LPGAT1: variants seen among roughly 807,000 people sequenced by gnomAD.
The protein encoded by LPGAT1 is acyl-CoA:lysophosphatidylglycerol acyltransferase 1.
A neutral mutation model predicts 47.5 loss-of-function variants in LPGAT1; 11 were observed. The ratio of observed to expected loss-of-function variants is 0.23; its 90% CI spans 0.15 to 0.38. LPGAT1 has a LOEUF of 0.38. LPGAT1 is among the 10% of genes least tolerant of loss of function. The pLI, the probability that LPGAT1 is intolerant of heterozygous loss-of-function variation, is 1.00. For synonymous variants in LPGAT1, 138 were observed against 144.2 expected (o/e 0.96, Z 0.31); for missense variants, 293 against 439.0 (o/e 0.67, Z 2.97).
intron 6 of LPGAT1, among the ~76,000 whole-genome samples, chr1:211,762,326 C>T (rs562455250): frequency 6.6e-5 from 10 of 152,288 alleles, no homozygotes; most frequent in African/African-American, 2.4e-4. Context: ...GTATCTATTG[C>T]TTCAATGGGG....
At chr1:211,803,855 T>C (rs1659663312) in intron 2 of LPGAT1, among the ~76,000 whole-genome samples, 1 of 149,344 alleles carries the variant, frequency 6.7e-6, no homozygotes, top group Admixed American at 6.8e-5. Flanking sequence ...CCACCTCCCA[T>C]GTTCAAACAA....
rs755147119 is a variant in LPGAT1 at position 211,829,130 on chromosome 1, T to G, written c.167A>C (p.Tyr56Ser). The change falls in exon 2 of 8, where the codon TAT (tyrosine) becomes TCT (serine). Residue 56 changes from tyrosine to serine, a missense_variant. Physicochemically the swap from Tyr to Ser is moderately radical, Grantham distance 144 (BLOSUM62 -2). Transcript: ENST00000366997. ...CCATTTATACATGATTCCTTCGATA[T>G]ACCAGAACCGCTTACTGTCCAGCAC... ...LRVLDSKRFWYIEGIMYKWLL... is the reference protein window; with the variant it reads ...LRVLDSKRFWSIEGIMYKWLL... 46 of 1,614,040 alleles carry G rather than the reference T, an allele frequency of 2.8e-5. No homozygotes were observed. The highest frequency in any genetic ancestry group is 3.8e-5 in the Non-Finnish European group (45 of 1,180,026).
chr1:211,759,671 A>G (rs148206616), intron 6 of LPGAT1, among the ~76,000 whole-genome samples: 9 of 152,292 alleles, frequency 5.9e-5, no homozygotes, highest in African/African-American at 2.2e-4. Context: ...CTTCCTATGC[A>G]TAGATTAAGC....
At chr1:211,808,204 G>A (rs1401283140) in intron 2 of LPGAT1, among the ~76,000 whole-genome samples, 1 of 151,942 alleles carries the variant, frequency 6.6e-6, no homozygotes, top group African/African-American at 2.4e-5. Context: ...AATTAGCCGG[G>A]TGTGGTGGCA....
At chr1:211,797,341 C>T (rs1459642916) in intron 2 of LPGAT1, among the ~76,000 whole-genome samples, 1 of 128,112 alleles carries the variant, frequency 7.8e-6, no homozygotes, top group African/African-American at 2.9e-5. Flanking sequence ...GAGTCAGGAA[C>T]TCCTGGGCTG....
chr1:211,779,049 GAACA>G lies in LPGAT1; in HGVS notation c.728-9_728-6del, dbSNP rs771629645. On this transcript the variant is annotated splice_region_variant and splice_polypyrimidine_tract_variant and intron_variant, in intron 5 of 7. Transcript: ENST00000366997. ...GGAGGCCTTTTGATTTGCTGTCTGAGAACAAAGAAAAAAAGACTTAAAATTAAAT... is the reference window on the plus strand; with the variant it reads ...GGAGGCCTTTTGATTTGCTGTCTGAGAAGAAAAAAAGACTTAAAATTAAAT... 6.4e-7 allele frequency: 1 copy of G among 1,560,116 alleles called. No individual in the cohort carries two copies. Among genetic ancestry groups the G allele is most frequent in the East Asian group, 2.3e-5 (1 of 43,568 alleles).
Position 211,751,043 on chromosome 1 carries a change from G to A in LPGAT1, c.879C>T (p.Pro293=). 1.2e-6 allele frequency: 2 copies of A among 1,612,838 alleles called. No individual in the cohort carries two copies. Among genetic ancestry groups the A allele is most frequent in the Non-Finnish European group, 8.5e-7 (1 of 1,179,076 alleles). Reference sequence around the variant, plus strand: ...AAGTGGTAAGGTCATCAGTCTCCAGGGGTACATCTTTAATTGGAAAGATCC... The same window carrying A: ...AAGTGGTAAGGTCATCAGTCTCCAGAGGTACATCTTTAATTGGAAAGATCC... The part of the protein sequence containing the change: ...HYRIFPIKDV[P]LETDDLTTWL... The change falls in exon 7 of 8, where the codon CCC becomes CCT. Residue 293 remains proline (P), a synonymous_variant. Transcript: ENST00000366997.
At chr1:211,800,234 A>T (rs1356318523) in intron 2 of LPGAT1, among the ~76,000 whole-genome samples, 2 of 146,794 alleles carry the variant, frequency 1.4e-5, no homozygotes, top group Non-Finnish European at 3.0e-5. Flanking sequence ...ATAGGGTTTC[A>T]TCATGTTGGA....
At chr1:211,800,599 G>T (rs1659537022) in intron 2 of LPGAT1, among the ~76,000 whole-genome samples, 1 of 152,230 alleles carries the variant, frequency 6.6e-6, no homozygotes. Flanking sequence ...GGAGCTAGTG[G>T]CATTTTGGGT....
intron 2 of LPGAT1, among the ~76,000 whole-genome samples, chr1:211,804,548 T>G (rs901619931): frequency 1.3e-5 from 2 of 152,196 alleles, no homozygotes; most frequent in African/African-American, 4.8e-5. Flanking sequence ...TTTTTCTCTG[T>G]GTATAAAGAC....
chr1:211,795,327 G>C (rs1659304935), intron 2 of LPGAT1, among the ~76,000 whole-genome samples: 1 of 152,146 alleles, frequency 6.6e-6, no homozygotes, highest in Admixed American at 6.5e-5. Flanking sequence ...GCAAAGTGTA[G>C]AATAGGATGA....
chr1:211,788,015 T>C (rs917868392), intron 3 of LPGAT1, among the ~76,000 whole-genome samples: 10 of 152,206 alleles, frequency 6.6e-5, no homozygotes, highest in African/African-American at 2.4e-4. Context: ...GATTTCAAAT[T>C]TGTTCTACCC....
chr1:211,763,050 T>C (rs1250215860), intron 6 of LPGAT1, among the ~76,000 whole-genome samples: 2 of 152,204 alleles, frequency 1.3e-5, no homozygotes, highest in African/African-American at 4.8e-5. Context: ...GTGAGGATTT[T>C]AGAGAACTAC....
At chr1:211,811,418 G>A (rs118188365) in intron 2 of LPGAT1, among the ~76,000 whole-genome samples, 4 of 152,290 alleles carry the variant, frequency 2.6e-5, no homozygotes, top group East Asian at 1.9e-4. Context: ...AAGAGCTGTC[G>A]GGAATGATGG....
At chr1:211,818,278 G>A (rs534122883) in intron 2 of LPGAT1, among the ~76,000 whole-genome samples, 3 of 152,132 alleles carry the variant, frequency 2.0e-5, no homozygotes, top group Non-Finnish European at 2.9e-5. Flanking sequence ...TGGGATCCAA[G>A]CAAGTATCCT....
At chr1:211,786,486 T>A (rs901918977) in intron 4 of LPGAT1, among the ~76,000 whole-genome samples, 1 of 152,242 alleles carries the variant, frequency 6.6e-6, no homozygotes, top group Admixed American at 6.5e-5. Context: ...CATATTTCAG[T>A]TATCCATTCT....
chr1:211,817,580 A>AG (rs1175244560), intron 2 of LPGAT1, among the ~76,000 whole-genome samples: 3 of 152,146 alleles, frequency 2.0e-5, no homozygotes, highest in Non-Finnish European at 4.4e-5. Flanking sequence ...CAAAAAAAAA[A>AG]AAAGAAAGAA....
chr1:211,779,123 AGT>A (rs1477532642), intron 5 of LPGAT1, 79 bp from the exon 6 acceptor site: 8 of 1,193,360 alleles, frequency 6.7e-6, no homozygotes, highest in Non-Finnish European at 9.2e-6. Context: ...TTACTTGACC[AGT>A]GTAAGATATA....
chr1:211,773,352 A>G (rs1016743413), intron 6 of LPGAT1, among the ~76,000 whole-genome samples: 8 of 152,182 alleles, frequency 5.3e-5, no homozygotes, highest in African/African-American at 1.9e-4. Flanking sequence ...TAGACAGCAT[A>G]TGTATCTTTA....
Sources: allele counts gnomAD v4.1 joint callset (sites outside exome capture counted in the v4.1 genomes callset), GRCh38; gene constraint gnomAD v4.1.1; transcripts MANE v1.5; gene names NCBI Gene and HGNC (gene_info 2026-07-23, HGNC 2026-07-21).